SLC44A5: variants seen among roughly 807,000 people sequenced by gnomAD.
SLC44A5 encodes solute carrier family 44 member 5, also known as choline transporter-like protein 5.
A neutral mutation model predicts 101.8 loss-of-function variants in SLC44A5; 57 were observed. The observed-to-expected ratio is 0.56, with a 90% CI of 0.45 to 0.70. SLC44A5 has a LOEUF of 0.70. SLC44A5 is among the 30% of genes least tolerant of loss of function. The pLI, the probability that SLC44A5 is intolerant of heterozygous loss-of-function variation, is 0.00. For missense variants in SLC44A5, 737 were observed against 853.1 expected (o/e 0.86, Z 1.70); for synonymous variants, 281 against 290.9 (o/e 0.97, Z 0.35).
chr1:75,402,664 T>C (rs1380896711), intron 2 of SLC44A5, among the ~76,000 whole-genome samples: 1 of 152,064 alleles, frequency 6.6e-6, no homozygotes, highest in Admixed American at 6.5e-5. Context: ...GCCCAGATAC[T>C]ACACTTTTCC....
chr1:75,301,758 G>A (rs1201464836), intron 4 of SLC44A5, among the ~76,000 whole-genome samples: 1 of 152,156 alleles, frequency 6.6e-6, no homozygotes, highest in Non-Finnish European at 1.5e-5. Context: ...GCTATTATGG[G>A]TAGTAAAGTG....
chr1:75,281,425 A>G (rs1652541180), intron 5 of SLC44A5, among the ~76,000 whole-genome samples: 1 of 152,118 alleles, frequency 6.6e-6, no homozygotes, highest in East Asian at 1.9e-4. Context: ...GAAAATTTGC[A>G]GCCCAACAAT....
chr1:75,276,372 G>A (rs1651920310), intron 5 of SLC44A5, among the ~76,000 whole-genome samples: 1 of 152,024 alleles, frequency 6.6e-6, no homozygotes, highest in Non-Finnish European at 1.5e-5. Flanking sequence ...GTCATGTTTT[G>A]GCTAAATCTA....
intron 3 of SLC44A5, among the ~76,000 whole-genome samples, chr1:75,364,222 G>A (rs1659699308): frequency 6.6e-6 from 1 of 152,124 alleles, no homozygotes; most frequent in African/African-American, 2.4e-5. Context: ...AAATACCTGA[G>A]ACTGGGTAAT....
intron 6 of SLC44A5, among the ~76,000 whole-genome samples, chr1:75,269,861 AGCT>A (rs2100727105): frequency 6.6e-6 from 1 of 152,300 alleles, no homozygotes; most frequent in South Asian, 2.1e-4. Flanking sequence ...CTTGAATTAT[AGCT>A]CCCATAATTC....
intron 3 of SLC44A5, among the ~76,000 whole-genome samples, chr1:75,389,393 T>C (rs1026668019): frequency 2.0e-5 from 3 of 152,204 alleles, no homozygotes; most frequent in Non-Finnish European, 4.4e-5. Context: ...GCATATGGAA[T>C]ATAGTCTAAG....
At chr1:75,618,140 T>C in the SLC44A5 span, among the ~76,000 whole-genome samples, 1 of 152,240 alleles carries the variant, frequency 6.6e-6, no homozygotes, top group Non-Finnish European at 1.5e-5. Context: ...GTTTCCTTTT[T>C]CTAATTTATT....
At chr1:75,402,148 G>C (rs1409072608) in intron 2 of SLC44A5, among the ~76,000 whole-genome samples, 2 of 152,148 alleles carry the variant, frequency 1.3e-5, no homozygotes, top group Non-Finnish European at 2.9e-5. Flanking sequence ...GTTTTGAAAT[G>C]TATAAGATTT....
the SLC44A5 span, among the ~76,000 whole-genome samples, chr1:75,618,900 T>A: frequency 6.6e-6 from 1 of 151,896 alleles, no homozygotes; most frequent in South Asian, 2.1e-4. Flanking sequence ...TGAAACCCCA[T>A]CTCCACAAAA....
the SLC44A5 span, among the ~76,000 whole-genome samples, chr1:75,704,980 A>G: frequency 1.3e-5 from 2 of 152,154 alleles, no homozygotes; most frequent in Non-Finnish European, 2.9e-5. Flanking sequence ...TTCTTGTATC[A>G]TGTATCATGA....
Position 75,449,514 on chromosome 1 carries a change from T to G in SLC44A5, c.14-52893A>C, listed in dbSNP as rs534201385. ...TCTCTTGGGGTTTTAAGAGTGGAACTTGGACTTTGCGGGAATCTTCCTCAC... is the reference window on the plus strand; with the variant it reads ...TCTCTTGGGGTTTTAAGAGTGGAACGTGGACTTTGCGGGAATCTTCCTCAC... On this transcript the variant is annotated intron_variant, in intron 2 of 23. Transcript: ENST00000370859. Among the ~76,000 whole-genome samples the G allele has an allele frequency of 2.6e-5, 4 of 152,288 alleles. No homozygotes were observed. The South Asian group carries it at 8.3e-4, about 32-fold the overall frequency.
the SLC44A5 span, among the ~76,000 whole-genome samples, chr1:75,635,045 G>A: frequency 0.48 from 69,644 of 145,164 alleles, 18,060 homozygotes; most frequent in East Asian, 0.93. Flanking sequence ...GCAGCCAACA[G>A]ACACATGAAA....
chr1:75,344,028 G>T (rs1658073687), intron 3 of SLC44A5, among the ~76,000 whole-genome samples: 1 of 151,904 alleles, frequency 6.6e-6, no homozygotes, highest in Admixed American at 6.6e-5. Context: ...ATGCAATTCT[G>T]TACTATGTAT....
chr1:75,445,247 T>A (rs1361684471), intron 2 of SLC44A5, among the ~76,000 whole-genome samples: 3 of 152,062 alleles, frequency 2.0e-5, no homozygotes, highest in Non-Finnish European at 4.4e-5. Context: ...TTGTTTAACA[T>A]GCCTGGTATC....
At chr1:75,384,664 C>T (rs1479202739) in intron 3 of SLC44A5, among the ~76,000 whole-genome samples, 1 of 119,610 alleles carries the variant, frequency 8.4e-6, no homozygotes, top group Non-Finnish European at 1.7e-5. Flanking sequence ...AGAAAGTCAA[C>T]AAGGATACCC....
intron 1 of SLC44A5, among the ~76,000 whole-genome samples, chr1:75,600,365 G>C (rs896379781): frequency 2.0e-5 from 3 of 152,110 alleles, no homozygotes; most frequent in African/African-American, 4.8e-5. Context: ...AGGACCACTT[G>C]TTTTCCAAAA....
chr1:75,566,265 A>G (rs1483569486), intron 1 of SLC44A5, among the ~76,000 whole-genome samples: 5 of 152,230 alleles, frequency 3.3e-5, no homozygotes, highest in Admixed American at 6.5e-5. Context: ...ACCTCAAGCC[A>G]GTTTATAACA....
chr1:75,416,277 G>C (rs1663640232), intron 2 of SLC44A5, among the ~76,000 whole-genome samples: 1 of 151,908 alleles, frequency 6.6e-6, no homozygotes, highest in Admixed American at 6.6e-5. Context: ...GGCCAATGTA[G>C]AGTTCAGACT....
intron 4 of SLC44A5, among the ~76,000 whole-genome samples, chr1:75,310,119 AG>A (rs761017129): frequency 6.5e-4 from 99 of 152,346 alleles, no homozygotes; most frequent in Non-Finnish European, 1.2e-3. Flanking sequence ...ATTTGTACCT[AG>A]GTGATGTATC....
Sources: gnomAD v4.1 joint callset for allele counts (sites outside exome capture counted in the v4.1 genomes callset) on GRCh38, gnomAD v4.1.1 for gene constraint, MANE v1.5 for transcripts, NCBI Gene and HGNC (gene_info 2026-07-23, HGNC 2026-07-21) for gene names.